Variants in SPTBN2 observed in about 807,000 individuals in gnomAD.
SPTBN2 encodes spectrin beta chain, non-erythrocytic 2.
A neutral mutation model predicts 284.2 loss-of-function variants in SPTBN2; 107 were observed. That is an observed-to-expected ratio of 0.38 (90% confidence interval 0.32 to 0.44). SPTBN2 has a LOEUF of 0.44. Ranked by LOEUF, SPTBN2 falls within the 20% of genes least tolerant of loss-of-function variation. The pLI is 1.00. For synonymous variants in SPTBN2, 1,289 were observed against 1,354.8 expected (o/e 0.95, Z 1.07); for missense variants, 2,569 against 3,287.1 (o/e 0.78, Z 5.34).
intron 8 of SPTBN2, chr11:66,712,819 G>C (rs1316041284): frequency 6.6e-6 from 1 of 152,592 alleles, no homozygotes; most frequent in Non-Finnish European, 1.5e-5. Flanking sequence ...GCTCCATTCT[G>C]ACCTGGACTG....
intron 5 of SPTBN2, among the ~76,000 whole-genome samples, 188 bp from the exon 6 acceptor site, chr11:66,714,595 G>A (rs1393818205): frequency 6.6e-6 from 1 of 152,274 alleles, no homozygotes; most frequent in African/African-American, 2.4e-5. Context: ...TGAGGCAGCA[G>A]ATTAGGGTAG....
chr11:66,710,598 C>G lies in SPTBN2; in HGVS notation c.1057G>C (p.Val353Leu). 6.2e-7 allele frequency: 1 copy of G among 1,613,822 alleles called. No homozygotes were observed. Among genetic ancestry groups the G allele is most frequent in the Non-Finnish European group, 8.5e-7 (1 of 1,179,908 alleles). ...GACACCTACTTGGGCGGCTTCTCCACGGTGCGGTAGGAGTTGAAGGACTGC... is the reference window on the plus strand; with the variant it reads ...GACACCTACTTGGGCGGCTTCTCCAGGGTGCGGTAGGAGTTGAAGGACTGC... ...QLQSFNSYRTVEKPPKFTEKG... is the reference protein window; with the variant it reads ...QLQSFNSYRTLEKPPKFTEKG... Residue 353 changes from valine (V) to leucine (L), a missense_variant, in exon 10 of 38, where the codon GTG becomes CTG. Transcript: ENST00000533211. The surrounding 1 kb of genome is among the most constrained non-coding windows in gnomAD (Gnocchi z 4.9).
upstream of SPTBN2, among the ~76,000 whole-genome samples, chr11:66,730,363 C>T (rs987442856): frequency 1.3e-5 from 2 of 151,814 alleles, no homozygotes; most frequent in Admixed American, 6.6e-5. Flanking sequence ...GCAGGTGGAT[C>T]GCGAGGTCAG....
At position 66,701,561 on chromosome 11, in the gene SPTBN2, T is replaced by C. The variant is rs532439; in HGVS notation, c.2816+23A>G. 1,245,064 of 1,613,752 alleles carry C rather than the reference T, an allele frequency of 0.77. 482,388 individuals are homozygous for C. The highest frequency in any genetic ancestry group is 0.85 in the South Asian group (77,778 of 91,074). ...TTGCTTCATTTTTCTGTCAGTTTCCTGGTCCTGCCCTCCCAAACCCACCTG... is the reference window on the plus strand; with the variant it reads ...TTGCTTCATTTTTCTGTCAGTTTCCCGGTCCTGCCCTCCCAAACCCACCTG... On this transcript the variant is annotated intron_variant, in intron 16 of 37. Coordinates refer to ENST00000533211, the MANE Select transcript of SPTBN2 (RefSeq NM_006946.4).
chr11:66,694,944 C>A (rs1940824753), intron 21 of SPTBN2, among the ~76,000 whole-genome samples: 1 of 152,230 alleles, frequency 6.6e-6, no homozygotes, highest in African/African-American at 2.4e-5. Flanking sequence ...CGCAAGAGAT[C>A]CGGTGGCTCT....
Position 66,710,831 on chromosome 11 carries a change from A to C in SPTBN2, c.886-62T>G. ...CACAGGGTCCCTGGCCCAGTCCTGC[A>C]GCTCCACCCTGCCCTTGCACTAGGG... On this transcript the variant is annotated intron_variant, in intron 9 of 37. Coordinates refer to ENST00000533211, the MANE Select transcript of SPTBN2 (RefSeq NM_006946.4). The surrounding 1 kb of genome is among the most constrained non-coding windows in gnomAD (Gnocchi z 4.9). 5 of 1,611,888 alleles carry C rather than the reference A, an allele frequency of 3.1e-6. No individual in the cohort carries two copies. The highest frequency in any genetic ancestry group is 4.2e-6 in the Non-Finnish European group (5 of 1,178,786).
chr11:66,729,394 T>C (rs1201950986), upstream of SPTBN2, among the ~76,000 whole-genome samples: 2 of 152,098 alleles, frequency 1.3e-5, no homozygotes, highest in East Asian at 3.9e-4. Flanking sequence ...GCCGTTAGGT[T>C]ATGTACTGCC....
intron 36 of SPTBN2, 186 bp from the exon 37 acceptor site, chr11:66,686,626 C>T (rs976720525): frequency 1.4e-5 from 10 of 710,588 alleles, no homozygotes; most frequent in Non-Finnish European, 2.4e-5. Flanking sequence ...TCCTTTCTGA[C>T]TGGCCCCAGA....
At position 66,690,287 on chromosome 11, in the gene SPTBN2, C is replaced by G; in HGVS notation, c.5566-4G>C. On this transcript the variant is annotated splice_region_variant and splice_polypyrimidine_tract_variant and intron_variant, in intron 27 of 37. Coordinates refer to ENST00000533211, the MANE Select transcript of SPTBN2 (RefSeq NM_006946.4). ...CGTCGTCCTGCACCTGCTGGACCTG[C>G]GGAGCCCCGGGTCAGAGTCAGGCAG... 6.2e-7 allele frequency: 1 copy of G among 1,602,526 alleles called. No homozygotes were observed. Among genetic ancestry groups the G allele is most frequent in the Non-Finnish European group, 8.5e-7 (1 of 1,175,798 alleles).
rs1242846500 is a variant in SPTBN2, at chr11:66,723,088, T to C, written c.-113-1648A>G. On this transcript the variant is annotated intron_variant, in intron 1 of 37. Transcript: ENST00000533211. ...TCCCAGACGGATGAGCAGCCGTGGCTCCTGCCTAGGGCCCAGGCTGGGGAA... is the reference window on the plus strand; with the variant it reads ...TCCCAGACGGATGAGCAGCCGTGGCCCCTGCCTAGGGCCCAGGCTGGGGAA... 4.6e-5 allele frequency among the ~76,000 whole-genome samples: 7 copies of C among 151,982 alleles called. No individual in the cohort carries two copies. The East Asian group carries it at 1.2e-3, about 25-fold the overall frequency.
Position 66,705,468 on chromosome 11 carries a change from T to G in SPTBN2, c.1808A>C (p.Glu603Ala). 1.9e-6 allele frequency: 3 copies of G among 1,612,986 alleles called. No individual in the cohort carries two copies. The highest frequency in any genetic ancestry group is 2.5e-6 in the Non-Finnish European group (3 of 1,180,010). ...SALRFCNPGK[E>A]YRPCDPQLVS... is the part of the protein sequence containing the mutation. ...CAGCTGCGGGTCGCAAGGTCTATAC[T>G]CTGAGAAAGTCACAGGAGAGGGTCA... is the stretch of plus-strand genomic sequence containing the variant. Residue 603 changes from glutamate (E) to alanine (A), a missense_variant and splice_region_variant, in exon 15 of 38, where the codon GAG becomes GCG. Around this residue, in one of 6 missense-constraint regions of SPTBN2, gnomAD observed 1,012 missense variants for 1,248.9 expected, o/e 0.81. Transcript: ENST00000533211.
At chr11:66,716,603 T>C (rs1590972447) in intron 3 of SPTBN2, among the ~76,000 whole-genome samples, 1 of 152,294 alleles carries the variant, frequency 6.6e-6, no homozygotes, top group East Asian at 1.9e-4. Flanking sequence ...GTGGAAGCAG[T>C]GGAATGCTGG....
rs779884581 is a variant in SPTBN2, at chr11:66,685,877, G to C, written c.7167C>G (p.Asn2389Lys). 7 of 1,613,776 alleles carry C rather than the reference G, an allele frequency of 4.3e-6. No individual in the cohort carries two copies. In the South Asian group the frequency reaches 4.4e-5, roughly 10 times the overall value. The change falls in exon 38 of 38, where the codon AAC becomes AAG. Residue 2389 changes from asparagine to lysine, a missense_variant. Asn to Lys is a moderately conservative substitution (Grantham distance 94). Around this residue, in one of 6 missense-constraint regions of SPTBN2, gnomAD observed 1,130 missense variants for 1,317.3 expected, o/e 0.86. Coordinates refer to ENST00000533211, the MANE Select transcript of SPTBN2 (RefSeq NM_006946.4). This position sits in a 1 kb window ranked among gnomAD's most constrained non-coding sequence, Gnocchi z 4.4. ...REKRFSFFKK[N>K]K is the part of the protein sequence containing the mutation. ...CCTGGGACCTTGCCCCCAACTACTT[G>C]TTCTTCTTAAAGAAGCTGAAGCGTT...
chr11:66,726,591 C>T (rs1242825042), intron 1 of SPTBN2, among the ~76,000 whole-genome samples: 1 of 152,190 alleles, frequency 6.6e-6, no homozygotes, highest in Non-Finnish European at 1.5e-5. Flanking sequence ...GGCCCTACCC[C>T]ACACTAAACT....
At position 66,690,039 on chromosome 11, in the gene SPTBN2, C is replaced by T. The variant is rs763096895; in HGVS notation, c.5810G>A (p.Arg1937Gln). 2.5e-6 allele frequency: 4 copies of T among 1,614,100 alleles called. No homozygotes were observed. The highest frequency in any genetic ancestry group is 3.4e-6 in the Non-Finnish European group (4 of 1,180,040). ...AGGCCCTGAGCCCTGGGATTCTCAC[C>T]GGGGACGCTCCTGGGCATCCATCTG... Reference protein sequence around the residue: ...NLQMDAQERPRDVSSADLVIK... With the variant: ...NLQMDAQERPQDVSSADLVIK... The change falls in exon 28 of 38, where the codon CGG becomes CAG. Residue 1937 changes from arginine to glutamine, a missense_variant and splice_region_variant. This residue lies in a region of SPTBN2 where 1,130 missense variants were observed against 1,317.3 expected (regional missense o/e 0.86). Transcript: ENST00000533211.
Position 66,686,118 on chromosome 11 carries a change from G to C in SPTBN2, c.6940-14C>G. The stretch of plus-strand genomic sequence containing the variant: ...GCTCATCTCTGCCTGTGGATGGAAA[G>C]ACCCTCAATCAGCTTCAAGGACACT... On this transcript the variant is annotated splice_polypyrimidine_tract_variant and intron_variant, in intron 37 of 37. Transcript: ENST00000533211. 6.2e-7 allele frequency: 1 copy of C among 1,609,036 alleles called. No homozygotes were observed. Among genetic ancestry groups the C allele is most frequent in the Non-Finnish European group, 8.5e-7 (1 of 1,177,346 alleles).
chr11:66,727,701 T>C (rs906665059), intron 1 of SPTBN2, among the ~76,000 whole-genome samples: 1 of 152,008 alleles, frequency 6.6e-6, no homozygotes, highest in Non-Finnish European at 1.5e-5. Context: ...TGGAGCCAGC[T>C]GCCAAAGAGG....
intron 21 of SPTBN2, 120 bp downstream of exon 21, chr11:66,696,157 G>A (rs1940899079): frequency 7.6e-7 from 1 of 1,310,236 alleles, no homozygotes; most frequent in Non-Finnish European, 1.1e-6. Context: ...CCAAAGAAAT[G>A]ACTCTGGGAA....
intron 3 of SPTBN2, among the ~76,000 whole-genome samples, chr11:66,716,924 G>C (rs1942176438): frequency 6.6e-6 from 1 of 152,178 alleles, no homozygotes; most frequent in Non-Finnish European, 1.5e-5. Flanking sequence ...TGATGGTATA[G>C]AGGCTGCAGG....
Sources: allele counts gnomAD v4.1 joint callset (sites outside exome capture counted in the v4.1 genomes callset), GRCh38; gene constraint gnomAD v4.1.1; regional missense constraint gnomAD v4.1.1; non-coding constraint Gnocchi (gnomAD v3.1); transcripts MANE v1.5; gene names NCBI Gene and HGNC (gene_info 2026-07-23, HGNC 2026-07-21).